SULT2B1: variants seen among roughly 807,000 people sequenced by gnomAD.
SULT2B1 encodes the protein sulfotransferase 2B1.
Under a neutral mutation model 33.2 loss-of-function variants are expected in SULT2B1, and 16 were observed. The ratio of observed to expected loss-of-function variants is 0.48; its 90% CI spans 0.33 to 0.73. The LOEUF (loss-of-function observed/expected upper bound fraction) is 0.73. SULT2B1 is among the 30% of genes least tolerant of loss of function. The probability of loss-of-function intolerance (pLI) is 0.02; values close to 1 mark genes in which losing one functional copy is unlikely to be tolerated. For synonymous variants in SULT2B1, 186 were observed against 200.5 expected, an observed-to-expected ratio of 0.93 and a Z score of 0.61; for missense variants, 500 against 506.0, an observed-to-expected ratio of 0.99 and a Z score of 0.11.
intron 1 of SULT2B1, among the ~76,000 whole-genome samples, chr19:48,567,929 C>T (rs147651842): frequency 2.0e-5 from 3 of 151,372 alleles, no homozygotes; most frequent in Non-Finnish European, 4.4e-5. Flanking sequence ...AAGCTGTGAC[C>T]GCATCACTGC....
At chr19:48,581,389 C>G (rs1973484446) in intron 2 of SULT2B1, among the ~76,000 whole-genome samples, 1 of 151,166 alleles carries the variant, frequency 6.6e-6, no homozygotes, top group Non-Finnish European at 1.5e-5. Context: ...TGACTTGAAG[C>G]TCACAAATGT....
intron 2 of SULT2B1, among the ~76,000 whole-genome samples, chr19:48,585,465 C>T (rs561558924): frequency 1.8e-3 from 276 of 151,998 alleles, no homozygotes; most frequent in Non-Finnish European, 3.0e-3. Flanking sequence ...GTCAAGAGTT[C>T]GAGACCAGCC....
At chr19:48,572,603 C>T (rs986129536) in intron 1 of SULT2B1, among the ~76,000 whole-genome samples, 3 of 152,008 alleles carry the variant, frequency 2.0e-5, no homozygotes, top group African/African-American at 4.8e-5. Context: ...GGAAAATGGG[C>T]GTGCCTGGAG....
In SULT2B1 at chr19:48,570,027, A is replaced by G. The variant is rs566786343; in HGVS notation, c.72-5914A>G. On this transcript the variant is annotated intron_variant, in intron 1 of 6. Transcript: ENST00000201586. Reference sequence around the variant, plus strand: ...TGGAACACAGTCTCAGATTTCAAGGATTAGGACGACAACATCATTGGAGGC... The same window carrying G: ...TGGAACACAGTCTCAGATTTCAAGGGTTAGGACGACAACATCATTGGAGGC... Among the ~76,000 whole-genome samples the G allele has an allele frequency of 5.9e-5, 9 of 152,198 alleles. No individual in the cohort carries two copies. In the South Asian group the frequency reaches 1.9e-3, roughly 32 times the overall value.
intron 2 of SULT2B1, among the ~76,000 whole-genome samples, chr19:48,586,983 G>A (rs540487873): frequency 6.6e-5 from 10 of 152,144 alleles, no homozygotes; most frequent in African/African-American, 2.2e-4. Flanking sequence ...GGTGGTGGGC[G>A]CTTGTAATGC....
chr19:48,577,427 G>T (rs1251098562), intron 2 of SULT2B1, among the ~76,000 whole-genome samples: 1 of 134,672 alleles, frequency 7.4e-6, no homozygotes, highest in African/African-American at 2.8e-5. Flanking sequence ...GTGCAGTGGC[G>T]TGATCTCGGC....
intron 2 of SULT2B1, among the ~76,000 whole-genome samples, chr19:48,578,328 T>C (rs1021543817): frequency 6.6e-6 from 1 of 152,074 alleles, no homozygotes; most frequent in African/African-American, 2.4e-5. Flanking sequence ...ACACCCATAA[T>C]CCCAACATTT....
At chr19:48,562,428 G>C (rs574401875) in intron 1 of SULT2B1, among the ~76,000 whole-genome samples, 1 of 151,758 alleles carries the variant, frequency 6.6e-6, no homozygotes, top group East Asian at 2.0e-4. Flanking sequence ...GTGTACACCT[G>C]TAATCCCAGC....
intron 1 of SULT2B1, among the ~76,000 whole-genome samples, chr19:48,554,521 C>T (rs1385204022): frequency 6.7e-6 from 1 of 148,798 alleles, no homozygotes; most frequent in Non-Finnish European, 1.5e-5. Context: ...CTCCCCCCAA[C>T]CTCACCACTC....
chr19:48,592,852 C>A lies in SULT2B1; in HGVS notation c.645+36C>A, dbSNP rs1973661717. On this transcript the variant is annotated intron_variant, in intron 5 of 6. Transcript: ENST00000201586. ...ACCTCCTCCAGGTGCAGCGTCCCCC[C>A]CATACCCTCTGCTCACACCCCACAC... is the stretch of plus-strand genomic sequence containing the variant. 8 of 1,526,924 alleles carry A rather than the reference C, an allele frequency of 5.2e-6. No individual in the cohort carries two copies. In the South Asian group the frequency reaches 8.4e-5, roughly 16 times the overall value. 94.6% of individuals were successfully genotyped at this position (1,526,924 alleles called of 1,614,324 possible). A position where few individuals can be genotyped will look rare whatever the true frequency, so the allele number is the denominator to read the frequency against.
intron 2 of SULT2B1, among the ~76,000 whole-genome samples, chr19:48,583,647 G>A (rs776861006): frequency 1.3e-5 from 2 of 152,024 alleles, no homozygotes; most frequent in Non-Finnish European, 2.9e-5. Flanking sequence ...GCCAAACCCC[G>A]TCTCTACTAA....
chr19:48,582,301 G>A (rs1333421819), intron 2 of SULT2B1, among the ~76,000 whole-genome samples: 2 of 152,084 alleles, frequency 1.3e-5, no homozygotes, highest in African/African-American at 2.4e-5. Flanking sequence ...AAATAGTTCC[G>A]TGGTATTTCA....
At chr19:48,568,156 C>T (rs1207809951) in intron 1 of SULT2B1, among the ~76,000 whole-genome samples, 1 of 151,744 alleles carries the variant, frequency 6.6e-6, no homozygotes, top group Non-Finnish European at 1.5e-5. Context: ...ACCTGTAGTC[C>T]CAGCTACTGG....
chr19:48,595,441 G>C (rs1041034233), intron 5 of SULT2B1, among the ~76,000 whole-genome samples: 1 of 152,040 alleles, frequency 6.6e-6, no homozygotes, highest in Non-Finnish European at 1.5e-5. Context: ...TGGTGGGATC[G>C]GCACAAATGT....
intron 1 of SULT2B1, among the ~76,000 whole-genome samples, chr19:48,560,027 G>A (rs1973156399): frequency 6.6e-6 from 1 of 152,020 alleles, no homozygotes; most frequent in Non-Finnish European, 1.5e-5. Context: ...GGGTTCGAAT[G>A]CCGCCCCTAT....
chr19:48,563,172 C>A (rs1177144729), intron 1 of SULT2B1, among the ~76,000 whole-genome samples: 1 of 152,118 alleles, frequency 6.6e-6, no homozygotes, highest in Non-Finnish European at 1.5e-5. Flanking sequence ...GCCTTGGCTT[C>A]CCAAAGTGGT....
At chr19:48,573,254 T>C (rs774604721) in intron 1 of SULT2B1, among the ~76,000 whole-genome samples, 8 of 151,992 alleles carry the variant, frequency 5.3e-5, no homozygotes, top group Non-Finnish European at 1.0e-4. Context: ...ACCTGCCTGC[T>C]GTGGCCACCC....
chr19:48,585,048 CAAAAAA>C (rs57540837), intron 2 of SULT2B1, among the ~76,000 whole-genome samples: 3 of 62,246 alleles, frequency 4.8e-5, no homozygotes, highest in Non-Finnish European at 8.1e-5. Context: ...GACTCCTTCT[CAAAAAA>C]AAAAAAAAAA....
chr19:48,592,086 G>A (rs934079690), intron 4 of SULT2B1, among the ~76,000 whole-genome samples: 1 of 152,140 alleles, frequency 6.6e-6, no homozygotes, highest in East Asian at 1.9e-4. Flanking sequence ...AAGGTCAGGA[G>A]ATTGAGACCA....
Sources: allele counts gnomAD v4.1 joint callset (sites outside exome capture counted in the v4.1 genomes callset), GRCh38; gene constraint gnomAD v4.1.1; transcripts MANE v1.5; gene names NCBI Gene and HGNC (gene_info 2026-07-23, HGNC 2026-07-21).